The following PTPRG variants were observed in gnomAD, a reference collection of about 807,000 sequenced individuals.
PTPRG encodes the protein protein tyrosine phosphatase receptor type G, also known as receptor-type tyrosine-protein phosphatase gamma.
In PTPRG, 102 loss-of-function variants were observed where a neutral mutation model predicts 165.3. That is an observed-to-expected ratio of 0.62 (90% confidence interval 0.53 to 0.73). PTPRG has a LOEUF of 0.73. Ranked by LOEUF, PTPRG falls within the 30% of genes least tolerant of loss-of-function variation. The pLI, the probability that PTPRG is intolerant of heterozygous loss-of-function variation, is 0.00. For missense variants in PTPRG, 1,866 were observed against 1,861.4 expected (o/e 1.00, Z -0.05); for synonymous variants, 675 against 669.5 (o/e 1.01, Z -0.13).
intron 2 of PTPRG, among the ~76,000 whole-genome samples, chr3:61,900,943 C>G (rs139288398): frequency 2.1e-4 from 32 of 152,256 alleles, no homozygotes; most frequent in South Asian, 1.5e-3. Flanking sequence ...TGGATGCTAA[C>G]AGCAATAATC....
chr3:62,086,781 C>T (rs1250521525), intron 5 of PTPRG, among the ~76,000 whole-genome samples: 1 of 152,114 alleles, frequency 6.6e-6, no homozygotes, highest in East Asian at 1.9e-4. Context: ...AAGTGAAGGC[C>T]AGAGTCATTC....
intron 2 of PTPRG, among the ~76,000 whole-genome samples, chr3:61,883,700 G>A (rs778262763): frequency 1.2e-4 from 18 of 152,022 alleles, no homozygotes; most frequent in Admixed American, 9.8e-4. Context: ...TGTCAAAGTC[G>A]CTCTTTTTTT....
chr3:62,114,022 G>A (rs1309012674), intron 5 of PTPRG, among the ~76,000 whole-genome samples: 2 of 152,170 alleles, frequency 1.3e-5, no homozygotes, highest in Non-Finnish European at 2.9e-5. Context: ...TTTCCGACCG[G>A]GTGTGGTGGC....
In PTPRG at chr3:62,026,474, G is replaced by A. The variant is rs77698984; in HGVS notation, c.519+22977G>A. 5.5e-3 allele frequency among the ~76,000 whole-genome samples: 832 copies of A among 152,264 alleles called. 7 individuals carry two copies. Among genetic ancestry groups the A allele is most frequent in the African/African-American group, 0.019 (785 of 41,558 alleles). ...ACAAAGAATAACACAGTGAGTTAGA[G>A]CATGAGATTTGAACCCAGACACGTG... On this transcript the variant is annotated intron_variant, in intron 4 of 29. Transcript: ENST00000474889.
intron 2 of PTPRG, among the ~76,000 whole-genome samples, chr3:61,889,666 A>G (rs985955867): frequency 3.3e-5 from 5 of 152,196 alleles, no homozygotes; most frequent in Non-Finnish European, 7.4e-5. Context: ...GCTAATTTAC[A>G]TTGTTTTAAA....
At chr3:62,231,338 G>A in intron 14 of PTPRG, 27 bp downstream of exon 14, 1 of 1,522,160 alleles carries the variant, frequency 6.6e-7, no homozygotes, top group Non-Finnish European at 8.8e-7. Context: ...CTTAAGTGGG[G>A]GGCGTCTTGA....
At chr3:61,650,903 A>G (rs990436614) in intron 1 of PTPRG, among the ~76,000 whole-genome samples, 4 of 152,132 alleles carry the variant, frequency 2.6e-5, no homozygotes, top group East Asian at 3.8e-4. Context: ...TTTACTACCA[A>G]TAAAAGTTTT....
At chr3:62,285,419 C>T (rs1054803108) in intron 28 of PTPRG, among the ~76,000 whole-genome samples, 1 of 147,916 alleles carries the variant, frequency 6.8e-6, no homozygotes, top group African/African-American at 2.5e-5. Context: ...CGCATTTGAT[C>T]TGTGAGGCAG....
chr3:61,804,696 T>C (rs868602858), intron 2 of PTPRG, among the ~76,000 whole-genome samples: 1 of 147,714 alleles, frequency 6.8e-6, no homozygotes, highest in African/African-American at 2.5e-5. Flanking sequence ...AAAAAAAAAA[T>C]AAAATCTACC....
intron 1 of PTPRG, among the ~76,000 whole-genome samples, chr3:61,734,265 C>CA (rs2032632051): frequency 6.6e-6 from 1 of 152,166 alleles, no homozygotes; most frequent in Non-Finnish European, 1.5e-5. Flanking sequence ...CTAAAATCTG[C>CA]AGGCTTTTTT....
At chr3:61,669,376 C>T (rs576799825) in intron 1 of PTPRG, among the ~76,000 whole-genome samples, 1 of 141,922 alleles carries the variant, frequency 7.0e-6, no homozygotes, top group East Asian at 2.0e-4. Flanking sequence ...GTACCGGTAT[C>T]AAGAGGCTCA....
intron 2 of PTPRG, among the ~76,000 whole-genome samples, chr3:61,814,064 C>T (rs553240169): frequency 5.9e-5 from 9 of 152,130 alleles, no homozygotes; most frequent in Admixed American, 1.3e-4. Context: ...CAAGGCCTGA[C>T]TAATTTTTGT....
At chr3:62,288,302 A>AAAT (rs1446100253) in intron 28 of PTPRG, among the ~76,000 whole-genome samples, 6 of 152,366 alleles carry the variant, frequency 3.9e-5, no homozygotes, top group African/African-American at 1.4e-4. Flanking sequence ...TTTAAGCAAT[A>AAAT]AATAGTTTAG....
At chr3:61,779,077 C>G (rs1453666579) in intron 2 of PTPRG, among the ~76,000 whole-genome samples, 1 of 152,154 alleles carries the variant, frequency 6.6e-6, no homozygotes, top group Admixed American at 6.5e-5. Context: ...GACACACACA[C>G]ACGTTCTAAG....
chr3:61,833,277 A>G (rs969678486), intron 2 of PTPRG, among the ~76,000 whole-genome samples: 6 of 152,162 alleles, frequency 3.9e-5, no homozygotes, highest in Non-Finnish European at 8.8e-5. Flanking sequence ...AATGCCCCCA[A>G]TTTTGCAGGG....
intron 16 of PTPRG, among the ~76,000 whole-genome samples, chr3:62,257,221 A>G (rs1024139398): frequency 1.3e-4 from 20 of 152,218 alleles, no homozygotes; most frequent in African/African-American, 4.6e-4. Context: ...AATTTGAAGT[A>G]CTTTTAAAAG....
chr3:61,791,394 G>A (rs2034862234), intron 2 of PTPRG, among the ~76,000 whole-genome samples: 1 of 152,216 alleles, frequency 6.6e-6, no homozygotes, highest in African/African-American at 2.4e-5. Flanking sequence ...GTGACTTTAG[G>A]AACCAAAATG....
chr3:62,021,879 A>G (rs1300287794), intron 4 of PTPRG, among the ~76,000 whole-genome samples: 95 of 70,000 alleles, frequency 1.4e-3, no homozygotes, highest in African/African-American at 5.1e-3. Context: ...TTTTTTTTGC[A>G]TTCCATGTTT....
At chr3:61,695,250 A>G (rs1327857798) in intron 1 of PTPRG, among the ~76,000 whole-genome samples, 2 of 152,192 alleles carry the variant, frequency 1.3e-5, no homozygotes, top group Non-Finnish European at 2.9e-5. Context: ...ACCTCGGGTG[A>G]TCCACCCACC....
Sources: gnomAD v4.1 joint callset for allele counts (sites outside exome capture counted in the v4.1 genomes callset) on GRCh38, gnomAD v4.1.1 for gene constraint, MANE v1.5 for transcripts, NCBI Gene and HGNC (gene_info 2026-07-23, HGNC 2026-07-21) for gene names.